Variants in TWSG1 observed in about 807,000 individuals in gnomAD.
TWSG1 encodes twisted gastrulation BMP signaling modulator 1, also known as twisted gastrulation protein homolog 1.
A neutral mutation model predicts 23.0 loss-of-function variants in TWSG1; 15 were observed. The observed-to-expected ratio is 0.65, with a 90% CI of 0.44 to 1.00. The LOEUF (loss-of-function observed/expected upper bound fraction) is 1.00. Ranked by LOEUF, TWSG1 falls within the 50% of genes least tolerant of loss-of-function variation. The pLI, the probability that TWSG1 is intolerant of heterozygous loss-of-function variation, is 0.00. For missense variants in TWSG1, 242 were observed against 278.7 expected (o/e 0.87, Z 0.94); for synonymous variants, 86 against 92.8 (o/e 0.93, Z 0.42).
intron 3 of TWSG1, among the ~76,000 whole-genome samples, chr18:9,368,302 A>C (rs2145614742): frequency 6.6e-6 from 1 of 152,204 alleles, no homozygotes; most frequent in South Asian, 2.1e-4. Flanking sequence ...CCTGGATTCA[A>C]GCAATTCTCT....
At position 9,345,511 on chromosome 18, in the gene TWSG1, G is replaced by A. The variant is rs556296623; in HGVS notation, c.123+8159G>A. 8.5e-5 allele frequency among the ~76,000 whole-genome samples: 13 copies of A among 152,198 alleles called. No individual in the cohort carries two copies. The South Asian group carries it at 2.7e-3, about 32-fold the overall frequency. On this transcript the variant is annotated intron_variant, in intron 2 of 4. Transcript: ENST00000262120. ...TGTATATGGATATCCACTTGTCCCAGCAACATTTCTCCCCCACTGAGTTAT... is the reference window on the plus strand; with the variant it reads ...TGTATATGGATATCCACTTGTCCCAACAACATTTCTCCCCCACTGAGTTAT...
chr18:9,363,888 A>G (rs1182729535), intron 3 of TWSG1, among the ~76,000 whole-genome samples: 1 of 152,186 alleles, frequency 6.6e-6, no homozygotes, highest in African/African-American at 2.4e-5. Context: ...TCAGCCTCCC[A>G]AAGTGCTGGG....
At chr18:9,348,698 A>C (rs901671475) in intron 2 of TWSG1, among the ~76,000 whole-genome samples, 6 of 152,258 alleles carry the variant, frequency 3.9e-5, no homozygotes, top group African/African-American at 1.4e-4. Context: ...AGAAATGAAT[A>C]CAATAAGGTG....
At chr18:9,383,274 G>C (rs773096163) in intron 3 of TWSG1, among the ~76,000 whole-genome samples, 1 of 146,442 alleles carries the variant, frequency 6.8e-6, no homozygotes, top group Non-Finnish European at 1.5e-5. Context: ...GGCCACTGCA[G>C]ACTCCGCCTC....
intron 2 of TWSG1, among the ~76,000 whole-genome samples, chr18:9,346,617 A>T (rs780640366): frequency 1.2e-4 from 18 of 152,102 alleles, no homozygotes; most frequent in African/African-American, 1.9e-4. Flanking sequence ...AGAAAAAAAA[A>T]GTCTTGAGTG....
At chr18:9,362,848 G>A (rs532170777) in intron 3 of TWSG1, among the ~76,000 whole-genome samples, 3 of 152,266 alleles carry the variant, frequency 2.0e-5, no homozygotes, top group South Asian at 4.1e-4. Flanking sequence ...AGGGTTGGAT[G>A]TCCAGTTTTA....
At chr18:9,390,717 T>G (rs1423997449) in intron 3 of TWSG1, among the ~76,000 whole-genome samples, 1 of 152,196 alleles carries the variant, frequency 6.6e-6, no homozygotes, top group Non-Finnish European at 1.5e-5. Flanking sequence ...CAGTAGAACT[T>G]CTTTCAAAAT....
At chr18:9,381,796 G>C (rs953410622) in intron 3 of TWSG1, among the ~76,000 whole-genome samples, 7 of 151,822 alleles carry the variant, frequency 4.6e-5, no homozygotes, top group Admixed American at 3.9e-4. Flanking sequence ...ACCTATTTTT[G>C]AAATATACAT....
rs184785437 is a variant in TWSG1, at chr18:9,355,823, T to C, written c.124-4149T>C. Among the ~76,000 whole-genome samples the C allele has an allele frequency of 2.3e-3, 346 of 152,366 alleles. 2 individuals are homozygous for C. The highest frequency in any genetic ancestry group is 8.0e-3 in the African/African-American group (332 of 41,592). On this transcript the variant is annotated intron_variant, in intron 2 of 4. Transcript: ENST00000262120. ...TTTTCAAAAGGTCGGTTTGAAGAGC[T>C]TGTTTTTCTTATTTGCCCATCTCCT...
At chr18:9,380,709 A>T (rs2054135324) in intron 3 of TWSG1, among the ~76,000 whole-genome samples, 1 of 152,202 alleles carries the variant, frequency 6.6e-6, no homozygotes, top group Non-Finnish European at 1.5e-5. Flanking sequence ...GTGGCTCTTT[A>T]TGAAATTGCC....
At chr18:9,358,454 G>A (rs557195794) in intron 2 of TWSG1, among the ~76,000 whole-genome samples, 72 of 152,246 alleles carry the variant, frequency 4.7e-4, no homozygotes, top group Non-Finnish European at 7.1e-4. Context: ...AGGTCATATA[G>A]TTCAAAACAG....
intron 3 of TWSG1, among the ~76,000 whole-genome samples, chr18:9,378,877 A>C (rs2040643375): frequency 6.6e-6 from 1 of 152,138 alleles, no homozygotes; most frequent in African/African-American, 2.4e-5. Flanking sequence ...CCTACTACAG[A>C]GGCTGAGGCT....
chr18:9,370,333 A>G (rs1225509639), intron 3 of TWSG1, among the ~76,000 whole-genome samples: 1 of 150,304 alleles, frequency 6.7e-6, no homozygotes, highest in African/African-American at 2.5e-5. Context: ...AAAAAAAATT[A>G]TTGTCCAGAC....
At chr18:9,347,977 T>C (rs1024171492) in intron 2 of TWSG1, among the ~76,000 whole-genome samples, 14 of 152,314 alleles carry the variant, frequency 9.2e-5, no homozygotes, top group Admixed American at 6.5e-4. Context: ...CTTTTTTATG[T>C]GTCAGGATTT....
At position 9,337,111 on chromosome 18, in the gene TWSG1, A is replaced by G. The variant is rs1043191609; in HGVS notation, c.-37-82A>G. The G allele has an allele frequency of 1.6e-5, 19 of 1,184,560 alleles. No homozygotes were observed. In the East Asian group the frequency reaches 4.3e-4, roughly 27 times the overall value. 73.4% of individuals were successfully genotyped at this position (1,184,560 alleles called of 1,614,324 possible). A position where few individuals can be genotyped will look rare whatever the true frequency, so the allele number is the denominator to read the frequency against. On this transcript the variant is annotated intron_variant, in intron 1 of 4. Transcript: ENST00000262120. ...TATATTGACACAAACAATGAGTCTT[A>G]GTTTATGTTTTGTTTCTCATTTTTA...
At chr18:9,387,488 C>T (rs1487954195) in intron 3 of TWSG1, among the ~76,000 whole-genome samples, 3 of 151,818 alleles carry the variant, frequency 2.0e-5, no homozygotes, top group Admixed American at 6.6e-5. Context: ...AATTGCAGGC[C>T]GGGCGCGATG....
chr18:9,343,642 A>G (rs8085920), intron 2 of TWSG1, among the ~76,000 whole-genome samples: 102,577 of 151,932 alleles, frequency 0.68, 34,963 homozygotes, highest in Middle Eastern at 0.75. Context: ...TGTTCTGGAC[A>G]TTTAATATGA....
At chr18:9,362,058 C>T (rs2040555065) in intron 3 of TWSG1, among the ~76,000 whole-genome samples, 2 of 152,156 alleles carry the variant, frequency 1.3e-5, no homozygotes, top group Admixed American at 1.3e-4. Context: ...AGAATGGGGG[C>T]AGAAGTATCT....
In TWSG1 at chr18:9,396,490, A is replaced by C; in HGVS notation, c.434A>C (p.His145Pro). Residue 145 changes from histidine to proline, a missense_variant, in exon 4 of 5, where the codon CAC becomes CCC. Transcript: ENST00000262120. ...TTAGAAACTGTGAACCAGCCACACCACCAGAATGTGTCTGTCCCCAGCAAT... is the reference window on the plus strand; with the variant it reads ...TTAGAAACTGTGAACCAGCCACACCCCCAGAATGTGTCTGTCCCCAGCAAT... Reference protein sequence around the residue: ...SFLETVNQPHHQNVSVPSNNV... With the variant: ...SFLETVNQPHPQNVSVPSNNV... The C allele has an allele frequency of 6.2e-7, 1 of 1,614,050 alleles. No homozygotes were observed. The highest frequency in any genetic ancestry group is 1.1e-5 in the South Asian group (1 of 91,076).
Sources: allele counts gnomAD v4.1 joint callset (sites outside exome capture counted in the v4.1 genomes callset), GRCh38; gene constraint gnomAD v4.1.1; transcripts MANE v1.5; gene names NCBI Gene and HGNC (gene_info 2026-07-23, HGNC 2026-07-21).